Variants in EML1 observed in about 807,000 individuals in gnomAD.
The protein encoded by EML1 is echinoderm microtubule-associated protein-like 1.
A neutral mutation model predicts 110.4 loss-of-function variants in EML1; 27 were observed. The ratio of observed to expected loss-of-function variants is 0.24; its 90% CI spans 0.18 to 0.34. The LOEUF (loss-of-function observed/expected upper bound fraction) is 0.34, where lower values mean the gene tolerates loss of function less well. Among genes scored for constraint, EML1 ranks in the 10% least tolerant of loss-of-function variants. The pLI, the probability that EML1 is intolerant of heterozygous loss-of-function variation, is 1.00. For synonymous variants in EML1, 344 were observed against 385.8 expected, an observed-to-expected ratio of 0.89 and a Z score of 1.27; for missense variants, 741 against 1,030.9, an observed-to-expected ratio of 0.72 and a Z score of 3.85.
At position 99,909,360 on chromosome 14, in the gene EML1, G is replaced by T; in HGVS notation, c.1120G>T (p.Val374Leu). Residue 374 changes from valine to leucine, a missense_variant, in exon 11 of 22, where the codon GTG (valine) becomes TTG (leucine). Coordinates refer to ENST00000262233, the MANE Select transcript of EML1 (RefSeq NM_004434.3). ...TTTCCTATAGTGCTCTAATGAAGCTGTGTTTGCTGCGGATTTCCACCCCAC... is the reference window on the plus strand; with the variant it reads ...TTTCCTATAGTGCTCTAATGAAGCTTTGTTTGCTGCGGATTTCCACCCCAC... ...LADVKCSNEA[V>L]FAADFHPTDT... 4 of 1,614,194 alleles carry T rather than the reference G, an allele frequency of 2.5e-6. No individual in the cohort carries two copies. The highest frequency in any genetic ancestry group is 3.4e-6 in the Non-Finnish European group (4 of 1,180,036).
upstream of EML1, among the ~76,000 whole-genome samples, chr14:99,768,476 G>T (rs374906447): frequency 6.6e-6 from 1 of 152,192 alleles, no homozygotes; most frequent in Non-Finnish European, 1.5e-5. Context: ...CAGAGACACA[G>T]AGCAGCATGA....
intron 9 of EML1, among the ~76,000 whole-genome samples, chr14:99,901,971 T>A (rs2400813): frequency 0.56 from 84,719 of 151,924 alleles, 24,069 homozygotes; most frequent in African/African-American, 0.67. Context: ...TCCTAAGGGT[T>A]GTAAAGGGAC....
At chr14:99,870,193 G>A (rs1458338525) in intron 3 of EML1, among the ~76,000 whole-genome samples, 1 of 152,198 alleles carries the variant, frequency 6.6e-6, no homozygotes. Flanking sequence ...AAGTTTGAGT[G>A]GTCAGAATCA....
chr14:99,763,899 G>A (rs1203719706), intron 1 of EML1, among the ~76,000 whole-genome samples: 2 of 152,174 alleles, frequency 1.3e-5, no homozygotes, highest in African/African-American at 4.8e-5. Flanking sequence ...AGGAGCCGGG[G>A]CCTGCAGGAA....
chr14:99,896,083 T>A (rs2059667071), intron 6 of EML1, among the ~76,000 whole-genome samples: 1 of 152,116 alleles, frequency 6.6e-6, no homozygotes, highest in Non-Finnish European at 1.5e-5. Flanking sequence ...GAATTAATTG[T>A]TGATTATTTT....
intron 2 of EML1, among the ~76,000 whole-genome samples, chr14:99,854,360 G>C (rs1403301123): frequency 6.6e-6 from 1 of 152,196 alleles, no homozygotes; most frequent in African/African-American, 2.4e-5. Context: ...CTAGTATAAC[G>C]ATGAGAACTG....
At chr14:99,918,110 T>G (rs139202289) in intron 16 of EML1, among the ~76,000 whole-genome samples, 340 of 152,210 alleles carry the variant, frequency 2.2e-3, no homozygotes, top group African/African-American at 7.9e-3. Flanking sequence ...CACACTTTTT[T>G]TGTTTGTTTT....
rs990157462 is a variant in EML1 at position 99,900,214 on chromosome 14, G to A, written c.898-715G>A. Among the ~76,000 whole-genome samples the A allele has an allele frequency of 7.9e-5, 9 of 114,588 alleles. No individual in the cohort carries two copies. The East Asian group carries it at 2.2e-3, about 27-fold the overall frequency. 75.2% of individuals were successfully genotyped at this position (114,588 alleles called of 152,430 possible). A position where few individuals can be genotyped will look rare whatever the true frequency, so the allele number is the denominator to read the frequency against. On this transcript the variant is annotated intron_variant, in intron 8 of 21. Transcript: ENST00000262233. ...TTTTTTTTTTTTTTTTTGAGACAGA[G>A]TTTTGCTCTTGTTGCCCAGGCTGGA...
chr14:99,820,305 C>G (rs1356177716), intron 1 of EML1, among the ~76,000 whole-genome samples: 1 of 152,204 alleles, frequency 6.6e-6, no homozygotes, highest in African/African-American at 2.4e-5. Flanking sequence ...GCACGTTGCT[C>G]TCACTTGTAA....
intron 4 of EML1, among the ~76,000 whole-genome samples, chr14:99,887,876 T>C (rs1235550963): frequency 6.6e-6 from 1 of 152,210 alleles, no homozygotes; most frequent in African/African-American, 2.4e-5. Context: ...GTGTTTGCCT[T>C]TCTATCAGTT....
upstream of EML1, among the ~76,000 whole-genome samples, chr14:99,771,439 G>A (rs984158934): frequency 1.3e-5 from 2 of 152,140 alleles, no homozygotes; most frequent in African/African-American, 2.4e-5. Context: ...ACAGTTCATC[G>A]CGTGGATAAA....
At chr14:99,818,764 A>G (rs781579314) in intron 1 of EML1, among the ~76,000 whole-genome samples, 1 of 152,066 alleles carries the variant, frequency 6.6e-6, no homozygotes, top group Non-Finnish European at 1.5e-5. Flanking sequence ...CTTGCCGACT[A>G]TAGTCACAGG....
At chr14:99,900,148 A>T (rs1249914328) in intron 8 of EML1, among the ~76,000 whole-genome samples, 1 of 150,234 alleles carries the variant, frequency 6.7e-6, no homozygotes, top group Non-Finnish European at 1.5e-5. Flanking sequence ...TTTGTACATA[A>T]TTGATGCCTG....
intron 1 of EML1, among the ~76,000 whole-genome samples, chr14:99,847,058 A>G (rs1397910868): frequency 7.0e-6 from 1 of 142,156 alleles, no homozygotes; most frequent in East Asian, 2.0e-4. Flanking sequence ...TTGTATTTTC[A>G]TTATCATTTG....
At chr14:99,933,126 A>G (rs1186646230) in intron 17 of EML1, among the ~76,000 whole-genome samples, 2 of 152,052 alleles carry the variant, frequency 1.3e-5, no homozygotes, top group Non-Finnish European at 2.9e-5. Context: ...AACAAAACTA[A>G]TGGTTCCATT....
chr14:99,791,313 G>A (rs1473221319), upstream of EML1, among the ~76,000 whole-genome samples: 1 of 152,172 alleles, frequency 6.6e-6, no homozygotes. Flanking sequence ...GACTCTTCCT[G>A]CAGAGAACTC....
At position 99,784,310 on chromosome 14, in the gene EML1, C is replaced by T. The variant is rs1044692892; in HGVS notation, c.-27+10297C>T. 6.6e-6 allele frequency among the ~76,000 whole-genome samples: 1 copy of T among 152,132 alleles called. No individual in the cohort carries two copies. The highest frequency in any genetic ancestry group is 2.4e-5 in the African/African-American group (1 of 41,412). ...GTTTCACCATGTTGCCCAGGCTGGT[C>T]TCAAACTCCTGGACTCAAGGGATCT... is the stretch of plus-strand genomic sequence containing the variant. On this transcript the variant is annotated intron_variant, in intron 1 of 22. Transcript: ENST00000327921. The surrounding 1 kb of genome is among the most constrained non-coding windows in gnomAD (Gnocchi z 4.5).
intron 15 of EML1, among the ~76,000 whole-genome samples, chr14:99,916,649 A>T (rs1016142996): frequency 1.3e-5 from 2 of 152,254 alleles, no homozygotes; most frequent in Non-Finnish European, 2.9e-5. Flanking sequence ...TGGCAGTGAC[A>T]TCACTAATGT....
intron 3 of EML1, among the ~76,000 whole-genome samples, chr14:99,877,631 C>T (rs534797481): frequency 6.6e-6 from 1 of 152,316 alleles, no homozygotes; most frequent in African/African-American, 2.4e-5. Context: ...AACATGGACA[C>T]CACCTCCAAA....
Sources: allele counts gnomAD v4.1 joint callset (sites outside exome capture counted in the v4.1 genomes callset), GRCh38; gene constraint gnomAD v4.1.1; non-coding constraint Gnocchi (gnomAD v3.1); transcripts MANE v1.5; gene names NCBI Gene and HGNC (gene_info 2026-07-23, HGNC 2026-07-21).